DENND5A: variants seen among roughly 807,000 people sequenced by gnomAD.
DENND5A encodes the protein DENN domain-containing protein 5A.
A neutral mutation model predicts 140.3 loss-of-function variants in DENND5A; 64 were observed. That is an observed-to-expected ratio of 0.46 (90% CI 0.37 to 0.56). DENND5A has a LOEUF of 0.56. DENND5A is among the 20% of genes least tolerant of loss of function. DENND5A has a pLI of 0.00. For missense variants in DENND5A, 1,292 were observed against 1,593.8 expected (o/e 0.81, Z 3.22); for synonymous variants, 605 against 607.7 (o/e 1.00, Z 0.07).
chr11:9,169,037 C>G (rs955330356), intron 10 of DENND5A, among the ~76,000 whole-genome samples: 2 of 151,762 alleles, frequency 1.3e-5, no homozygotes, highest in African/African-American at 4.8e-5. Context: ...TTTCCAGGTA[C>G]CTGATAATAA....
intron 5 of DENND5A, among the ~76,000 whole-genome samples, chr11:9,182,736 G>C (rs943665298): frequency 2.0e-5 from 3 of 152,162 alleles, no homozygotes; most frequent in African/African-American, 7.2e-5. Flanking sequence ...GAGAATAGAA[G>C]AGTGGTTACC....
At chr11:9,220,062 T>G (rs373098392) in intron 1 of DENND5A, among the ~76,000 whole-genome samples, 2 of 152,198 alleles carry the variant, frequency 1.3e-5, no homozygotes, top group African/African-American at 2.4e-5. Flanking sequence ...GGTTTTGTTT[T>G]GTTTTTTCAA....
chr11:9,157,698 GTGTA>G (rs1590215964), intron 12 of DENND5A, among the ~76,000 whole-genome samples: 2 of 152,316 alleles, frequency 1.3e-5, no homozygotes, highest in East Asian at 3.9e-4. Context: ...GTTGTATGGT[GTGTA>G]TGTATCACCT....
At chr11:9,188,672 G>A (rs1193248889) in intron 5 of DENND5A, among the ~76,000 whole-genome samples, 2 of 152,204 alleles carry the variant, frequency 1.3e-5, no homozygotes, top group Non-Finnish European at 2.9e-5. Context: ...TTACTGAAGA[G>A]ACTGGCGGCA....
At position 9,206,712 on chromosome 11, in the gene DENND5A, G is replaced by C; in HGVS notation, c.252C>G (p.Asn84Lys). Reference protein sequence around the residue: ...KSKVLARYPENVEWNPFDQDA... With the variant: ...KSKVLARYPEKVEWNPFDQDA... ...CTTGGTCAAAGGGATTCCATTCTAC[G>C]TTCTCAGGATATCGTGCAAGGACCT... The change falls in exon 3 of 23, where the codon AAC (asparagine) becomes AAG (lysine). Residue 84 changes from asparagine to lysine, a missense_variant. Physicochemically the swap from Asn to Lys is moderately conservative, Grantham distance 94. Around this residue, in one of 4 missense-constraint regions of DENND5A, gnomAD observed 566 missense variants for 650.4 expected, o/e 0.87. Coordinates refer to ENST00000328194, the MANE Select transcript of DENND5A (RefSeq NM_015213.4). 1 of 1,613,726 alleles carries C rather than the reference G, an allele frequency of 6.2e-7. No homozygotes were observed.
intron 1 of DENND5A, among the ~76,000 whole-genome samples, chr11:9,247,147 G>A (rs969554414): frequency 1.3e-5 from 2 of 151,576 alleles, no homozygotes; most frequent in East Asian, 1.9e-4. Context: ...GGAGAACGGC[G>A]TGAACCCGGG....
chr11:9,222,932 T>C (rs1850372209), intron 1 of DENND5A, among the ~76,000 whole-genome samples: 1 of 152,220 alleles, frequency 6.6e-6, no homozygotes. Context: ...CAGACATAGC[T>C]ATTAACTGCT....
chr11:9,239,335 C>CTTTT (rs1213339417), intron 1 of DENND5A, among the ~76,000 whole-genome samples: 1 of 121,300 alleles, frequency 8.2e-6, no homozygotes, highest in African/African-American at 3.2e-5. Flanking sequence ...CCTGGCTAAA[C>CTTTT]TTTTTTTTTT....
intron 4 of DENND5A, among the ~76,000 whole-genome samples, chr11:9,201,077 T>C (rs1849504708): frequency 6.6e-6 from 1 of 151,766 alleles, no homozygotes; most frequent in Non-Finnish European, 1.5e-5. Context: ...TATGAATCCA[T>C]ACAATAATAA....
Position 9,179,645 on chromosome 11 carries a change from A to G in DENND5A, c.1456-572T>C, listed in dbSNP as rs529137703. ...CTCCCCAGTAGCTGGGATTACAGGC[A>G]TGCGCCACCACGCCCGGCTAATTTT... On this transcript the variant is annotated intron_variant, in intron 6 of 22. Transcript: ENST00000328194. 9.9e-5 allele frequency among the ~76,000 whole-genome samples: 15 copies of G among 152,148 alleles called. No homozygotes were observed. In the East Asian group the frequency reaches 2.9e-3, roughly 29 times the overall value.
At chr11:9,188,042 C>A (rs554598828) in intron 5 of DENND5A, among the ~76,000 whole-genome samples, 1 of 152,120 alleles carries the variant, frequency 6.6e-6, no homozygotes, top group Non-Finnish European at 1.5e-5. Context: ...CCAGCCCTGC[C>A]GGATATGGTT....
At chr11:9,192,871 A>G (rs1849185592) in intron 5 of DENND5A, among the ~76,000 whole-genome samples, 2 of 152,216 alleles carry the variant, frequency 1.3e-5, no homozygotes, top group South Asian at 2.1e-4. Flanking sequence ...AAAAAATCTT[A>G]TTTCTAATCA....
At chr11:9,181,535 C>G (rs1848731930) in intron 5 of DENND5A, among the ~76,000 whole-genome samples, 1 of 151,878 alleles carries the variant, frequency 6.6e-6, no homozygotes, top group Admixed American at 6.6e-5. Context: ...GACTGTTGCC[C>G]AGACTGGTCT....
intron 1 of DENND5A, among the ~76,000 whole-genome samples, chr11:9,241,813 A>C (rs890775959): frequency 1.5e-4 from 23 of 152,136 alleles, no homozygotes; most frequent in Admixed American, 5.3e-4. Context: ...TCGGAAGTTC[A>C]ATACCAGCCT....
At position 9,256,860 on chromosome 11, in the gene DENND5A, C is replaced by A. The variant is rs1363984518; in HGVS notation, c.109+8101G>T. Among the ~76,000 whole-genome samples, 5 of 152,098 alleles carry A rather than the reference C, an allele frequency of 3.3e-5. No homozygotes were observed. The East Asian group carries it at 9.6e-4, about 29-fold the overall frequency. On this transcript the variant is annotated intron_variant, in intron 1 of 22. Coordinates refer to ENST00000328194, the MANE Select transcript of DENND5A (RefSeq NM_015213.4). The stretch of plus-strand genomic sequence containing the variant: ...CTAATTGTAAAAATAAATTAAAAAT[C>A]ACTGAAATAAGTGAACTGTATGGTA...
intron 5 of DENND5A, among the ~76,000 whole-genome samples, chr11:9,189,020 G>A (rs1031916467): frequency 1.3e-5 from 2 of 152,210 alleles, no homozygotes; most frequent in African/African-American, 4.8e-5. Context: ...TCCCTTTACA[G>A]GCCTGGGGGC....
chr11:9,241,824 G>A (rs1421629649), intron 1 of DENND5A, among the ~76,000 whole-genome samples: 1 of 152,042 alleles, frequency 6.6e-6, no homozygotes, highest in Admixed American at 6.6e-5. Flanking sequence ...ATACCAGCCT[G>A]ATAAATGTGG....
chr11:9,254,435 T>C (rs1255262201), intron 1 of DENND5A, among the ~76,000 whole-genome samples: 1 of 152,190 alleles, frequency 6.6e-6, no homozygotes, highest in African/African-American at 2.4e-5. Context: ...TCATCTCTCC[T>C]GACTTCTTAC....
intron 5 of DENND5A, among the ~76,000 whole-genome samples, chr11:9,181,711 C>T (rs890272762): frequency 1.2e-4 from 18 of 152,132 alleles, no homozygotes; most frequent in Admixed American, 2.6e-4. Context: ...TGCACTCCAG[C>T]CTGGGCAACA....
Sources: gnomAD v4.1 joint callset for allele counts (sites outside exome capture counted in the v4.1 genomes callset) on GRCh38, gnomAD v4.1.1 for gene constraint, gnomAD v4.1.1 regional missense constraint, MANE v1.5 for transcripts, NCBI Gene and HGNC (gene_info 2026-07-23, HGNC 2026-07-21) for gene names.